The following PHF24 variants were observed in gnomAD, a reference collection of about 807,000 sequenced individuals.
PHF24 encodes PHD finger protein 24.
PHF24 carries 25 observed loss-of-function variants against 42.6 expected under a neutral mutation model. The observed-to-expected ratio is 0.59, with a 90% CI of 0.43 to 0.82. The LOEUF is 0.82. Ranked by LOEUF, PHF24 falls within the 40% of genes least tolerant of loss-of-function variation. PHF24 has a pLI of 0.00. For missense variants in PHF24, 470 were observed against 538.1 expected (o/e 0.87, Z 1.25); for synonymous variants, 185 against 204.8 (o/e 0.90, Z 0.83).
At chr9:34,683,721 G>A in the PHF24 span, among the ~76,000 whole-genome samples, 1 of 152,338 alleles carries the variant, frequency 6.6e-6, no homozygotes, top group East Asian at 1.9e-4. Context: ...ATTTGGGCAG[G>A]AAATTCTCTG....
upstream of PHF24, among the ~76,000 whole-genome samples, chr9:34,953,582 G>A (rs1306918136): frequency 6.6e-6 from 1 of 152,116 alleles, no homozygotes; most frequent in Non-Finnish European, 1.5e-5. This position sits in a 1 kb window ranked among gnomAD's most constrained non-coding sequence, Gnocchi z 4.1. Context: ...ATTGTTTACT[G>A]CACCAGGAGA....
At chr9:34,931,500 A>G in the PHF24 span, among the ~76,000 whole-genome samples, 1 of 152,062 alleles carries the variant, frequency 6.6e-6, no homozygotes, top group African/African-American at 2.4e-5. Context: ...TGGGTGCACC[A>G]AAATTTCAGA....
At chr9:34,726,491 C>G in the PHF24 span, 2 of 1,551,608 alleles carry the variant, frequency 1.3e-6, no homozygotes, top group Non-Finnish European at 1.7e-6. Context: ...GTGATGCTGG[C>G]CTTGGTTTCC....
the PHF24 span, among the ~76,000 whole-genome samples, chr9:34,898,677 G>T: frequency 2.0e-5 from 3 of 152,180 alleles, no homozygotes; most frequent in Non-Finnish European, 4.4e-5. Context: ...CTGCAAAGTA[G>T]CCTGTATCCT....
At chr9:34,673,323 C>T in the PHF24 span, among the ~76,000 whole-genome samples, 12 of 147,878 alleles carry the variant, frequency 8.1e-5, no homozygotes, top group East Asian at 4.1e-4. Context: ...CACTGCACTC[C>T]GGTCCGGGCT....
the PHF24 span, among the ~76,000 whole-genome samples, chr9:34,932,856 G>A: frequency 6.6e-6 from 1 of 151,694 alleles, no homozygotes; most frequent in Non-Finnish European, 1.5e-5. Context: ...TTTTCTAAAT[G>A]TACTGCAATC....
chr9:34,948,109 CAAA>C, the PHF24 span, among the ~76,000 whole-genome samples: 2 of 90,484 alleles, frequency 2.2e-5, no homozygotes, highest in Non-Finnish European at 2.1e-5. Context: ...GACTCCGTCT[CAAA>C]AAAAAAAAAA....
At chr9:34,830,377 C>G in the PHF24 span, among the ~76,000 whole-genome samples, 2 of 152,142 alleles carry the variant, frequency 1.3e-5, no homozygotes, top group Non-Finnish European at 2.9e-5. Context: ...GGGGGTGACC[C>G]AAATCTTTTA....
chr9:34,719,734 G>A, the PHF24 span, among the ~76,000 whole-genome samples: 2 of 152,190 alleles, frequency 1.3e-5, no homozygotes, highest in African/African-American at 4.8e-5. Context: ...TGACCCTCCT[G>A]AGTCAATTCC....
chr9:34,909,733 T>C, the PHF24 span, among the ~76,000 whole-genome samples: 1 of 152,026 alleles, frequency 6.6e-6, no homozygotes, highest in Non-Finnish European at 1.5e-5. Context: ...GCCATTCTCC[T>C]GCCTCAGCCT....
chr9:34,686,075 G>A, the PHF24 span, among the ~76,000 whole-genome samples: 7 of 152,202 alleles, frequency 4.6e-5, no homozygotes, highest in Non-Finnish European at 7.3e-5. Flanking sequence ...AAGCGTCAGT[G>A]GTGAATTAGC....
the PHF24 span, among the ~76,000 whole-genome samples, chr9:34,886,525 C>CTCCT: frequency 6.6e-6 from 1 of 152,326 alleles, no homozygotes; most frequent in Middle Eastern, 3.4e-3. Context: ...TGGTCACCTT[C>CTCCT]TCCTTAAAAC....
the PHF24 span, among the ~76,000 whole-genome samples, chr9:34,766,927 C>T: frequency 6.6e-6 from 1 of 152,188 alleles, no homozygotes; most frequent in Non-Finnish European, 1.5e-5. Context: ...ACAGACAGGA[C>T]CCTCAGCTGC....
At chr9:34,886,069 C>T in the PHF24 span, among the ~76,000 whole-genome samples, 4 of 151,952 alleles carry the variant, frequency 2.6e-5, no homozygotes, top group Admixed American at 2.6e-4. Context: ...CTACTTCTCC[C>T]TACCAGCAGA....
At chr9:34,832,942 C>T in the PHF24 span, 1 of 1,551,598 alleles carries the variant, frequency 6.4e-7, no homozygotes, top group African/African-American at 1.4e-5. Flanking sequence ...GCTGTGGGAG[C>T]TTAAACTGAG....
At chr9:34,723,296 G>A in the PHF24 span, 1 of 1,551,694 alleles carries the variant, frequency 6.4e-7, no homozygotes, top group Admixed American at 2.0e-5. Flanking sequence ...GCAGTGGCGG[G>A]GGTAGCCCAG....
the PHF24 span, chr9:34,691,180 G>T: frequency 6.3e-7 from 1 of 1,596,226 alleles, no homozygotes; most frequent in African/African-American, 1.3e-5. Flanking sequence ...ATGTGTGAGC[G>T]CCAGCTGTCT....
chr9:34,681,551 C>T, the PHF24 span, among the ~76,000 whole-genome samples: 2 of 152,312 alleles, frequency 1.3e-5, no homozygotes, highest in Non-Finnish European at 2.9e-5. Context: ...TGGCTCACAC[C>T]TGTAATCCCA....
the PHF24 span, among the ~76,000 whole-genome samples, chr9:34,934,855 A>G: frequency 6.6e-6 from 1 of 152,216 alleles, no homozygotes; most frequent in Non-Finnish European, 1.5e-5. Context: ...CAACATGTAT[A>G]TACTGTCTAC....
Sources: gnomAD v4.1 joint callset for allele counts (sites outside exome capture counted in the v4.1 genomes callset) on GRCh38, gnomAD v4.1.1 for gene constraint, Gnocchi (gnomAD v3.1) non-coding constraint, MANE v1.5 for transcripts, NCBI Gene and HGNC (gene_info 2026-07-23, HGNC 2026-07-21) for gene names.